VAT1L: variants seen among roughly 807,000 people sequenced by gnomAD.
The protein encoded by VAT1L is putative NADPH-dependent quinone oxidoreductase VAT1L.
Under a neutral mutation model 44.1 loss-of-function variants are expected in VAT1L, and 34 were observed. The ratio of observed to expected loss-of-function variants is 0.77; its 90% confidence interval spans 0.59 to 1.03. The LOEUF is 1.03. Ranked by LOEUF, VAT1L falls within the 50% of genes least tolerant of loss-of-function variation. The pLI, the probability that VAT1L is intolerant of heterozygous loss-of-function variation, is 0.00. For synonymous variants in VAT1L, 253 were observed against 202.2 expected (o/e 1.25, Z -2.13); for missense variants, 615 against 538.8 (o/e 1.14, Z -1.40).
At chr16:77,852,260 G>A (rs887159757) in intron 3 of VAT1L, among the ~76,000 whole-genome samples, 13 of 152,170 alleles carry the variant, frequency 8.5e-5, no homozygotes, top group African/African-American at 2.9e-4. Flanking sequence ...CCGTAGGCCC[G>A]GGCTCATGGA....
At chr16:77,946,509 C>G (rs747001894) in intron 7 of VAT1L, among the ~76,000 whole-genome samples, 3 of 150,888 alleles carry the variant, frequency 2.0e-5, no homozygotes, top group Non-Finnish European at 4.4e-5. Flanking sequence ...ATCTCGATCT[C>G]CTGACTTCGT....
intron 3 of VAT1L, among the ~76,000 whole-genome samples, chr16:77,831,867 G>C (rs1468271156): frequency 6.6e-6 from 1 of 151,978 alleles, no homozygotes; most frequent in Non-Finnish European, 1.5e-5. Flanking sequence ...CCAGGCTGGA[G>C]TGCAGTGGCT....
intron 3 of VAT1L, among the ~76,000 whole-genome samples, chr16:77,858,667 A>G (rs1351024318): frequency 3.3e-5 from 5 of 152,238 alleles, no homozygotes; most frequent in East Asian, 3.9e-4. Flanking sequence ...GTGGTGTTGG[A>G]GCAGACATCT....
At chr16:77,973,048 T>C (rs1175124625) in intron 8 of VAT1L, among the ~76,000 whole-genome samples, 1 of 151,798 alleles carries the variant, frequency 6.6e-6, no homozygotes, top group African/African-American at 2.4e-5. Context: ...ACCAGGAGTA[T>C]AGCATGTCAA....
At chr16:77,965,000 G>A (rs781659511) in intron 7 of VAT1L, among the ~76,000 whole-genome samples, 10 of 151,938 alleles carry the variant, frequency 6.6e-5, no homozygotes, top group South Asian at 2.1e-4. Context: ...ATGTTGGTCA[G>A]GCTAGCCTTG....
intron 3 of VAT1L, among the ~76,000 whole-genome samples, chr16:77,860,587 A>T (rs2016905568): frequency 6.6e-6 from 1 of 152,224 alleles, no homozygotes; most frequent in African/African-American, 2.4e-5. Context: ...TTCCCATCCC[A>T]GTAGTAAGAA....
In VAT1L at chr16:77,862,766, C is replaced by A. The variant is rs762696000; in HGVS notation, c.598C>A (p.Leu200Met). 3.7e-6 allele frequency: 6 copies of A among 1,613,614 alleles called. No individual in the cohort carries two copies. Among genetic ancestry groups the A allele is most frequent in the Non-Finnish European group, 5.1e-6 (6 of 1,179,888 alleles). Residue 200 changes from leucine to methionine, a missense_variant, in exon 4 of 9, where the codon CTG becomes ATG. Transcript: ENST00000302536. Reference protein sequence around the residue: ...GGGVGQAVAQLCSTVPNVTVF... With the variant: ...GGGVGQAVAQMCSTVPNVTVF... Reference sequence around the variant, plus strand: ...CTTCCAGGGTCAAGCTGTGGCTCAGCTGTGTTCCACTGTCCCCAACGTGAC... The same window carrying A: ...CTTCCAGGGTCAAGCTGTGGCTCAGATGTGTTCCACTGTCCCCAACGTGAC...
At chr16:77,789,594 A>AAG (rs901489748) in intron 1 of VAT1L, among the ~76,000 whole-genome samples, 1 of 152,108 alleles carries the variant, frequency 6.6e-6, no homozygotes, top group Non-Finnish European at 1.5e-5. Flanking sequence ...ACTAGGAAGG[A>AAG]AGAGGGTCGG....
chr16:77,939,744 C>G (rs191915329), intron 7 of VAT1L, among the ~76,000 whole-genome samples: 149 of 152,272 alleles, frequency 9.8e-4, no homozygotes, highest in African/African-American at 3.5e-3. Flanking sequence ...TTCCTGCACT[C>G]AATTTATTGT....
At chr16:77,844,231 C>G (rs75818784) in intron 3 of VAT1L, among the ~76,000 whole-genome samples, 2 of 152,094 alleles carry the variant, frequency 1.3e-5, no homozygotes, top group African/African-American at 4.8e-5. Context: ...ATACTTGCAT[C>G]TGTACTAAAC....
Position 77,879,521 on chromosome 16 carries a change from C to T in VAT1L, c.882+297C>T, listed in dbSNP as rs184599842. On this transcript the variant is annotated intron_variant, in intron 6 of 8. Coordinates refer to ENST00000302536, the MANE Select transcript of VAT1L (RefSeq NM_020927.3). This position sits in a 1 kb window ranked among gnomAD's most constrained non-coding sequence, Gnocchi z 4.1. ...GGCCAGGATGGTCTCAATCTGACCT[C>T]GTGATCTGCCCGCCTCAGCCTCCCA... is the stretch of plus-strand genomic sequence containing the variant. 6.2e-4 allele frequency among the ~76,000 whole-genome samples: 94 copies of T among 152,232 alleles called. No homozygotes were observed. Among genetic ancestry groups the T allele is most frequent in the African/African-American group, 2.1e-3 (88 of 41,526 alleles).
intron 7 of VAT1L, among the ~76,000 whole-genome samples, chr16:77,907,339 C>A (rs1428092230): frequency 6.6e-6 from 1 of 152,220 alleles, no homozygotes; most frequent in East Asian, 1.9e-4. Context: ...TGCTGGTCTC[C>A]TGTGTGCAGA....
intron 3 of VAT1L, among the ~76,000 whole-genome samples, chr16:77,845,917 A>G (rs1198966946): frequency 6.6e-6 from 1 of 152,120 alleles, no homozygotes; most frequent in Non-Finnish European, 1.5e-5. Context: ...CCGTCCATCC[A>G]TCCAGCAGCT....
At chr16:77,878,330 C>T (rs892220654) in intron 5 of VAT1L, among the ~76,000 whole-genome samples, 16 of 152,166 alleles carry the variant, frequency 1.1e-4, no homozygotes, top group African/African-American at 3.9e-4. Context: ...ATACACATGA[C>T]TATTTTATTA....
intron 1 of VAT1L, among the ~76,000 whole-genome samples, chr16:77,816,058 C>T (rs1169430630): frequency 6.9e-6 from 1 of 144,962 alleles, no homozygotes; most frequent in Non-Finnish European, 1.5e-5. Flanking sequence ...ATGTGATTAG[C>T]AAATGGGTGT....
intron 7 of VAT1L, among the ~76,000 whole-genome samples, chr16:77,956,654 T>C (rs763169211): frequency 2.6e-5 from 4 of 152,186 alleles, no homozygotes; most frequent in Non-Finnish European, 5.9e-5. Context: ...ATTCTTAGGT[T>C]CAGAGCCTAT....
chr16:77,952,296 C>CA (rs2018053473), intron 7 of VAT1L, among the ~76,000 whole-genome samples: 1 of 152,228 alleles, frequency 6.6e-6, no homozygotes, highest in African/African-American at 2.4e-5. Context: ...ATCTGTGTCC[C>CA]AACCCAAATT....
At chr16:77,805,607 CG>C (rs2016141824) in intron 1 of VAT1L, among the ~76,000 whole-genome samples, 1 of 150,322 alleles carries the variant, frequency 6.7e-6, no homozygotes, top group Non-Finnish European at 1.5e-5. Flanking sequence ...TGCTTCTGCC[CG>C]GAGCTGGCAA....
In VAT1L at chr16:77,879,075, G is replaced by A. The variant is rs1474176680; in HGVS notation, c.827-94G>A. ...TAAATTTGTTTTCAAGATTTCTCCA[G>A]TTCCGGACCAAACAATTGCCATTTT... On this transcript the variant is annotated intron_variant, in intron 5 of 8. Coordinates refer to ENST00000302536, the MANE Select transcript of VAT1L (RefSeq NM_020927.3). The surrounding 1 kb of genome is among the most constrained non-coding windows in gnomAD (Gnocchi z 4.1). The A allele has an allele frequency of 3.8e-6, 5 of 1,315,982 alleles. No individual in the cohort carries two copies. The highest frequency in any genetic ancestry group is 5.5e-6 in the Non-Finnish European group (5 of 914,246). The allele number at this position is 1,315,982 out of a possible 1,614,324, so 81.5% of individuals were successfully genotyped here.
Sources: allele counts gnomAD v4.1 joint callset (sites outside exome capture counted in the v4.1 genomes callset), GRCh38; gene constraint gnomAD v4.1.1; non-coding constraint Gnocchi (gnomAD v3.1); transcripts MANE v1.5; gene names NCBI Gene and HGNC (gene_info 2026-07-23, HGNC 2026-07-21).